CHD1L: variants seen among roughly 807,000 people sequenced by gnomAD.
CHD1L encodes the protein ATP-dependent chromatin remodeler CHD1L.
Under a neutral mutation model 115.9 loss-of-function variants are expected in CHD1L, and 118 were observed. The ratio of observed to expected loss-of-function variants is 1.02; its 90% CI spans 0.88 to 1.19. CHD1L has a LOEUF of 1.19. CHD1L is among the 50% of genes most tolerant of loss of function. The pLI is 0.00. For synonymous variants in CHD1L, 411 were observed against 387.1 expected (o/e 1.06, Z -0.72); for missense variants, 1,179 against 1,065.3 (o/e 1.11, Z -1.49).
chr1:147,265,221 T>C (rs1673433238), intron 7 of CHD1L, among the ~76,000 whole-genome samples: 1 of 152,146 alleles, frequency 6.6e-6, no homozygotes. Flanking sequence ...AGCAAAAATC[T>C]CCAGACCATA....
the CHD1L span, chr1:147,212,296 G>A: frequency 5.5e-6 from 7 of 1,262,824 alleles, no homozygotes; most frequent in Admixed American, 5.7e-5. Flanking sequence ...AGGGCTATGT[G>A]CAGGTATCCC....
Position 147,266,065 on chromosome 1 carries a change from G to A in CHD1L, c.873G>A (p.Lys291=), listed in dbSNP as rs782324219. The A allele has an allele frequency of 2.5e-6, 4 of 1,611,254 alleles. No homozygotes were observed. The highest frequency in any genetic ancestry group is 1.7e-4 in the Middle Eastern group (1 of 6,046). Residue 291 remains lysine, a synonymous_variant, in exon 8 of 23, where the codon AAG becomes AAA. Coordinates refer to ENST00000369258, the MANE Select transcript of CHD1L (RefSeq NM_004284.6). ...CAGCATTGCAGAAGAAATACTACAA[G>A]GCCATTTTGATGAAAGACCTAGGTA... ...GMSALQKKYY[K]AILMKDLDAF...
the CHD1L span, among the ~76,000 whole-genome samples, chr1:147,203,114 C>CTT: frequency 0.28 from 41,398 of 147,450 alleles, 5,947 homozygotes; most frequent in African/African-American, 0.35. Flanking sequence ...CAAAGGTTTC[C>CTT]TTTTTTTTTT....
chr1:147,203,427 T>C, the CHD1L span: 4 of 859,878 alleles, frequency 4.7e-6, no homozygotes, highest in South Asian at 1.3e-5. Context: ...GGTAAGTATC[T>C]AGAACACCAG....
chr1:147,187,568 G>C, the CHD1L span, among the ~76,000 whole-genome samples: 1 of 152,170 alleles, frequency 6.6e-6, no homozygotes, highest in African/African-American at 2.4e-5. Flanking sequence ...GGCAGGTATA[G>C]CACATCTAGA....
Position 147,259,928 on chromosome 1 carries a change from C to G in CHD1L, c.576+10C>G, listed in dbSNP as rs1312385589. 3 of 1,604,700 alleles carry G rather than the reference C, an allele frequency of 1.9e-6. No individual in the cohort carries two copies. Among genetic ancestry groups the G allele is most frequent in the Non-Finnish European group, 2.6e-6 (3 of 1,173,538 alleles). On this transcript the variant is annotated intron_variant, in intron 6 of 22. Coordinates refer to ENST00000369258, the MANE Select transcript of CHD1L (RefSeq NM_004284.6). ...TAAGACCTTGTCAGAGGTAAACTTA[C>G]AGTGTAGCCTTAGTTTTTATATAAC...
chr1:147,201,181 T>C, the CHD1L span: 1 of 1,613,684 alleles, frequency 6.2e-7, no homozygotes, highest in Non-Finnish European at 8.5e-7. Context: ...CCAGCGTCCT[T>C]GGAGCTCTGA....
the CHD1L span, among the ~76,000 whole-genome samples, chr1:147,217,788 C>T: frequency 1.3e-5 from 2 of 152,192 alleles, no homozygotes; most frequent in South Asian, 2.1e-4. Context: ...GATGTTTTCC[C>T]ATTTCCTGCA....
At chr1:147,215,027 G>A in the CHD1L span, 3 of 152,206 alleles carry the variant, frequency 2.0e-5, no homozygotes, top group African/African-American at 7.2e-5. Context: ...CAGAAGGTTT[G>A]GGCTTTTTGC....
At chr1:147,251,778 G>A (rs1468075003) in intron 1 of CHD1L, among the ~76,000 whole-genome samples, 1 of 152,112 alleles carries the variant, frequency 6.6e-6, no homozygotes, top group Non-Finnish European at 1.5e-5. Context: ...TGATCTGCCT[G>A]CCTCAGCCTC....
chr1:147,284,544 A>C (rs200230995), intron 16 of CHD1L, 45 bp downstream of exon 16: 64 of 1,322,850 alleles, frequency 4.8e-5, no homozygotes, highest in South Asian at 1.9e-4. Flanking sequence ...CCAAACTCTC[A>C]TTCTAAAACA....
intron 18 of CHD1L, among the ~76,000 whole-genome samples, chr1:147,286,924 CTGTT>C (rs1288320636): frequency 2.6e-5 from 4 of 152,180 alleles, no homozygotes; most frequent in Admixed American, 6.5e-5. Context: ...GTTCAAATGT[CTGTT>C]TCTCAGAGAG....
chr1:147,179,350 G>C, the CHD1L span: 1 of 1,601,970 alleles, frequency 6.2e-7, no homozygotes, highest in South Asian at 1.1e-5. Context: ...TAAGAACCTG[G>C]AGCCCAAGTA....
At chr1:147,192,130 T>C in the CHD1L span, among the ~76,000 whole-genome samples, 27 of 152,302 alleles carry the variant, frequency 1.8e-4, no homozygotes, top group East Asian at 4.6e-3. Context: ...ATATTGATTC[T>C]TCCTACCCAT....
chr1:147,276,342 A>G (rs1572002775), intron 14 of CHD1L, 85 bp downstream of exon 14: 2 of 970,444 alleles, frequency 2.1e-6, no homozygotes, highest in Middle Eastern at 2.9e-4. Context: ...ACCAGCACTC[A>G]CCCTCTCCCC....
chr1:147,286,681 C>T (rs6692634), intron 18 of CHD1L, among the ~76,000 whole-genome samples, 181 bp downstream of exon 18: 1,953 of 152,252 alleles, frequency 0.013, 41 homozygotes, highest in African/African-American at 0.045. Flanking sequence ...TTCTCATTTA[C>T]CTGGTTTAGT....
chr1:147,173,693 T>C, the CHD1L span: 1 of 152,224 alleles, frequency 6.6e-6, no homozygotes, highest in Non-Finnish European at 1.5e-5. Context: ...TTTATCACTC[T>C]GTGTTACACA....
intron 17 of CHD1L, 68 bp downstream of exon 17, chr1:147,285,555 T>G: frequency 1.6e-5 from 23 of 1,444,056 alleles, no homozygotes; most frequent in Non-Finnish European, 2.1e-5. Flanking sequence ...GAGACCACAG[T>G]TGAATATCAC....
chr1:147,284,062 A>C (rs1338046105), intron 15 of CHD1L, among the ~76,000 whole-genome samples: 1 of 152,216 alleles, frequency 6.6e-6, no homozygotes, highest in East Asian at 1.9e-4. Flanking sequence ...GAATAAATGA[A>C]TGAGGAATGA....
Sources: gnomAD v4.1 joint callset for allele counts (sites outside exome capture counted in the v4.1 genomes callset) on GRCh38, gnomAD v4.1.1 for gene constraint, MANE v1.5 for transcripts, NCBI Gene and HGNC (gene_info 2026-07-23, HGNC 2026-07-21) for gene names.